Variants in COG6 observed in about 807,000 individuals in gnomAD.
COG6 encodes conserved oligomeric Golgi complex subunit 6.
Under a neutral mutation model 88.8 loss-of-function variants are expected in COG6, and 74 were observed. The observed-to-expected ratio is 0.83, with a 90% confidence interval of 0.69 to 1.01. COG6 has a LOEUF of 1.01. Ranked by LOEUF, COG6 falls within the 50% of genes least tolerant of loss-of-function variation. COG6 has a pLI of 0.00. For synonymous variants in COG6, 286 were observed against 278.7 expected (o/e 1.03, Z -0.26); for missense variants, 800 against 797.9 (o/e 1.00, Z -0.03).
At position 39,724,554 on chromosome 13, in the gene COG6, C is replaced by A; in HGVS notation, c.1739C>A (p.Ala580Asp). The A allele has an allele frequency of 1.3e-6, 2 of 1,588,400 alleles. No homozygotes were observed. Among genetic ancestry groups the A allele is most frequent in the Non-Finnish European group, 1.7e-6 (2 of 1,160,884 alleles). The change falls in exon 17 of 19, where the codon GCT becomes GAT. Residue 580 changes from alanine to aspartate, a missense_variant. Coordinates refer to ENST00000455146, the MANE Select transcript of COG6 (RefSeq NM_020751.3). ...AACCTAGATTCTGTGACACTGAAGG[C>A]TGCAATGGTAAGTGTATAATAAAAC... The part of the protein sequence containing the change: ...MPNLDSVTLK[A>D]AMVQFDRYLS...
At chr13:39,719,876 C>G in intron 15 of COG6, 49 bp downstream of exon 15, 1 of 1,421,252 alleles carries the variant, frequency 7.0e-7, no homozygotes, top group South Asian at 1.2e-5. Flanking sequence ...ATCTTTTTCT[C>G]TATGTGATAG....
intron 13 of COG6, among the ~76,000 whole-genome samples, chr13:39,706,877 T>A (rs1877961166): frequency 6.6e-6 from 1 of 151,894 alleles, no homozygotes; most frequent in East Asian, 1.9e-4. Context: ...AGAGACAGGG[T>A]TTCACCATGT....
At chr13:39,681,516 A>G (rs546783207) in intron 7 of COG6, among the ~76,000 whole-genome samples, 18 of 152,276 alleles carry the variant, frequency 1.2e-4, no homozygotes, top group South Asian at 8.3e-4. Context: ...AGGTGTCTTC[A>G]ATTCTCTATG....
intron 18 of COG6, among the ~76,000 whole-genome samples, chr13:39,770,345 T>G (rs1264221129): frequency 6.6e-6 from 1 of 152,194 alleles, no homozygotes; most frequent in East Asian, 1.9e-4. Context: ...CAGCCAACAT[T>G]TCCACAGGGC....
At chr13:39,678,658 G>A (rs112680093) in intron 5 of COG6, among the ~76,000 whole-genome samples, 53 of 152,006 alleles carry the variant, frequency 3.5e-4, no homozygotes, top group African/African-American at 1.1e-3. Context: ...TAAGCCTATC[G>A]TCATCATTGT....
At chr13:39,780,950 A>C (rs1393693556) in intron 18 of COG6, among the ~76,000 whole-genome samples, 1 of 152,162 alleles carries the variant, frequency 6.6e-6, no homozygotes, top group African/African-American at 2.4e-5. Flanking sequence ...AGGACATTGG[A>C]TGAACTGTTG....
intron 5 of COG6, among the ~76,000 whole-genome samples, chr13:39,678,931 ATTATTATT>A (rs1876138286): frequency 1.3e-5 from 2 of 151,964 alleles, no homozygotes; most frequent in Admixed American, 6.6e-5. Flanking sequence ...TATTATTATT[ATTATTATT>A]TTAAGTTTTA....
chr13:39,677,740 A>G (rs935588205), intron 5 of COG6, among the ~76,000 whole-genome samples, 161 bp downstream of exon 5: 1 of 152,228 alleles, frequency 6.6e-6, no homozygotes, highest in African/African-American at 2.4e-5. Flanking sequence ...TATTTTTCAA[A>G]GTAATACATG....
At chr13:39,745,550 G>T (rs1051894094) in intron 18 of COG6, among the ~76,000 whole-genome samples, 3 of 152,078 alleles carry the variant, frequency 2.0e-5, no homozygotes, top group Non-Finnish European at 4.4e-5. Context: ...ACCATCTCAC[G>T]CCAGTTAGAA....
rs986503259 is a variant in COG6, at chr13:39,684,313, A to G, written c.788+2049A>G. On this transcript the variant is annotated intron_variant, in intron 8 of 18. Transcript: ENST00000455146. ...GCCCAGGCTGGAGTGCAGTGACGCA[A>G]TCTCGGCTCACTGCAGGCTCCGCCC... 2.3e-4 allele frequency among the ~76,000 whole-genome samples: 30 copies of G among 129,022 alleles called. 1 individual carries two copies. Among genetic ancestry groups the G allele is most frequent in the Non-Finnish European group, 3.9e-4 (25 of 64,132 alleles). 84.6% of individuals were successfully genotyped at this position (129,022 alleles called of 152,430 possible).
At chr13:39,755,869 A>G (rs1033768413), downstream of COG6, among the ~76,000 whole-genome samples, 13 of 152,364 alleles carry the variant, frequency 8.5e-5, no homozygotes, top group East Asian at 2.5e-3. Context: ...AATCGGACAC[A>G]TAAGTGGTTA....
intron 11 of COG6, among the ~76,000 whole-genome samples, chr13:39,693,228 T>G (rs1383540892): frequency 1.3e-5 from 2 of 151,988 alleles, no homozygotes; most frequent in Non-Finnish European, 2.9e-5. Flanking sequence ...CCTCAAAACC[T>G]TTATATTCAT....
chr13:39,752,226 G>GA lies in COG6; in HGVS notation c.*1140dup, dbSNP rs1880679268. On this transcript the variant is annotated 3_prime_UTR_variant, in exon 19 of 19. Coordinates refer to ENST00000455146, the MANE Select transcript of COG6 (RefSeq NM_020751.3). ...ACAAATGAGAAAATTGAAGCACAAGGAAAAAAATAACTAGTTTGAAATATT... is the reference window on the plus strand; with the variant it reads ...ACAAATGAGAAAATTGAAGCACAAGGAAAAAAAATAACTAGTTTGAAATATT... 7 of 1,053,104 alleles carry GA rather than the reference G, an allele frequency of 6.6e-6. No homozygotes were observed. Among genetic ancestry groups the GA allele is most frequent in the Non-Finnish European group, 8.5e-6 (7 of 819,376 alleles). The allele number at this position is 1,053,104 out of a possible 1,614,324, so 65.2% of individuals were successfully genotyped here. A position where few individuals can be genotyped will look rare whatever the true frequency, so the allele number is the denominator to read the frequency against.
intron 13 of COG6, among the ~76,000 whole-genome samples, chr13:39,707,222 G>A (rs967120739): frequency 3.3e-5 from 5 of 150,648 alleles, no homozygotes; most frequent in South Asian, 2.1e-4. Context: ...TCTGCCTCCC[G>A]GGTTCAAGTG....
chr13:39,670,522 C>T (rs1875564034), intron 4 of COG6, among the ~76,000 whole-genome samples: 1 of 152,010 alleles, frequency 6.6e-6, no homozygotes, highest in Non-Finnish European at 1.5e-5. Flanking sequence ...CTTAACCTCC[C>T]TTAACCTAAG....
intron 3 of COG6, chr13:39,663,959 A>G (rs1420556870): frequency 6.5e-6 from 1 of 153,380 alleles, no homozygotes; most frequent in African/African-American, 2.4e-5. Context: ...TAAAAAATCT[A>G]TTTCCTGGGA....
chr13:39,755,437 G>T (rs1324851622), downstream of COG6, among the ~76,000 whole-genome samples: 2 of 152,144 alleles, frequency 1.3e-5, no homozygotes, highest in Non-Finnish European at 2.9e-5. Flanking sequence ...CTCTACTGGG[G>T]TGGGGGTGGG....
At chr13:39,659,532 A>C (rs1394637127) in intron 2 of COG6, 25 bp downstream of exon 2, 3 of 1,599,468 alleles carry the variant, frequency 1.9e-6, no homozygotes, top group Non-Finnish European at 2.6e-6. Context: ...TTCATTTAGC[A>C]TATATTGAGA....
At chr13:39,705,126 T>A (rs1453615107) in intron 13 of COG6, among the ~76,000 whole-genome samples, 1 of 152,198 alleles carries the variant, frequency 6.6e-6, no homozygotes, top group African/African-American at 2.4e-5. Context: ...CAATATTTAT[T>A]GTAGCATGTT....
Sources: gnomAD v4.1 joint callset for allele counts (sites outside exome capture counted in the v4.1 genomes callset) on GRCh38, gnomAD v4.1.1 for gene constraint, MANE v1.5 for transcripts, NCBI Gene and HGNC (gene_info 2026-07-23, HGNC 2026-07-21) for gene names.